Variants in MATN4 observed in about 807,000 individuals in gnomAD.
The protein encoded by MATN4 is matrilin 4, also known as matrilin-4.
In MATN4, 40 loss-of-function variants were observed where a neutral mutation model predicts 54.6. The observed-to-expected ratio is 0.73, with a 90% CI of 0.57 to 0.95. MATN4 has a LOEUF of 0.95. Among genes scored for constraint, MATN4 ranks in the 40% least tolerant of loss-of-function variants. The pLI is 0.00. For synonymous variants in MATN4, 351 were observed against 345.3 expected (o/e 1.02, Z -0.18); for missense variants, 810 against 819.1 (o/e 0.99, Z 0.13).
intron 3 of MATN4, chr20:45,303,591 G>A (rs1986381305): frequency 1.5e-6 from 1 of 648,146 alleles, no homozygotes; most frequent in East Asian, 2.8e-5. Flanking sequence ...TGGGGATGGG[G>A]TCAGAGGCAG....
chr20:45,304,409 C>G lies in MATN4; in HGVS notation c.462G>C (p.Val154=), dbSNP rs766195533. 1.1e-5 allele frequency: 17 copies of G among 1,507,648 alleles called. No individual in the cohort carries two copies. The South Asian group carries it at 2.2e-4, about 20-fold the overall frequency. The allele number at this position is 1,507,648 out of a possible 1,614,324, so 93.4% of individuals were successfully genotyped here. The change falls in exon 3 of 10, where the codon GTG becomes GTC. Residue 154 remains valine (V), a synonymous_variant. Transcript: ENST00000372756. Reference sequence around the variant, plus strand: ...CGCGCGCCTGTGCCGCCACCTCGGCCACGCGGTCCTGGGGCCGCCCGTCTG... The same window carrying G: ...CGCGCGCCTGTGCCGCCACCTCGGCGACGCGGTCCTGGGGCCGCCCGTCTG... ...IVTDGRPQDR[V]AEVAAQARAR... is the part of the protein sequence containing the mutation.
chr20:45,297,659 C>T (rs1055997268), intron 8 of MATN4, among the ~76,000 whole-genome samples: 5 of 152,142 alleles, frequency 3.3e-5, no homozygotes, highest in Non-Finnish European at 7.3e-5. Flanking sequence ...AATATGCTTA[C>T]AAATCACCTG....
chr20:45,307,629 T>G (rs1986846101), intron 1 of MATN4, among the ~76,000 whole-genome samples: 1 of 152,226 alleles, frequency 6.6e-6, no homozygotes, highest in African/African-American at 2.4e-5. Context: ...ATTCTTGGTC[T>G]GAGCCAACTT....
chr20:45,300,791 A>AGGCTCCTATTTCTGT, intron 6 of MATN4, 96 bp downstream of exon 6: 1 of 1,495,384 alleles, frequency 6.7e-7, no homozygotes, highest in African/African-American at 1.4e-5. Flanking sequence ...CATTCACACC[A>AGGCTCCTATTTCTGT]CAGCCTAGGG....
chr20:45,304,818 A>G, intron 2 of MATN4, 21 bp from the exon 3 acceptor site: 1 of 1,513,768 alleles, frequency 6.6e-7, no homozygotes, highest in Non-Finnish European at 9.0e-7. Context: ...ATCAGGGAGG[A>G]CTCTCCTAGG....
intron 3 of MATN4, chr20:45,303,307 A>C (rs1391631061): frequency 1.5e-6 from 1 of 670,148 alleles, no homozygotes; most frequent in African/African-American, 1.8e-5. Flanking sequence ...GCCCTTCCAG[A>C]CTCATTGGTC....
At chr20:45,306,741 C>T in intron 1 of MATN4, 3 of 441,042 alleles carry the variant, frequency 6.8e-6, no homozygotes, top group Non-Finnish European at 1.2e-5. Flanking sequence ...CCACATCTGC[C>T]CAGCAGGTGC....
At chr20:45,306,035 C>T (rs1450290887) in intron 1 of MATN4, among the ~76,000 whole-genome samples, 2 of 151,752 alleles carry the variant, frequency 1.3e-5, no homozygotes, top group African/African-American at 4.8e-5. Context: ...AAACTCCTGA[C>T]CTCAGGTGAT....
intron 1 of MATN4, chr20:45,306,873 G>C: frequency 8.0e-6 from 10 of 1,247,408 alleles, no homozygotes; most frequent in Non-Finnish European, 1.0e-5. Context: ...AGCAGCACTG[G>C]ACTCGTCCAG....
chr20:45,294,104 A>G (rs1375646885), intron 8 of MATN4, 89 bp from the exon 9 acceptor site: 4 of 1,021,028 alleles, frequency 3.9e-6, no homozygotes, highest in Non-Finnish European at 5.8e-6. Context: ...ATGGTTGAGT[A>G]TATGGGCTTT....
rs758735302 is a variant in MATN4, at chr20:45,305,805, C to CTTTTTTTTTTTTTTTTTTTTTTTTTTTT, written c.-34-190_-34-189insAAAAAAAAAAAAAAAAAAAAAAAAAAAA. 4.6e-4 allele frequency among the ~76,000 whole-genome samples: 30 copies of CTTTTTTTTTTTTTTTTTTTTTTTTTTTT among 64,684 alleles called. 13 individuals are homozygous for CTTTTTTTTTTTTTTTTTTTTTTTTTTTT. Among genetic ancestry groups the CTTTTTTTTTTTTTTTTTTTTTTTTTTTT allele is most frequent in the Middle Eastern group, 0.015 (1 of 66 alleles). 42.4% of individuals were successfully genotyped at this position (64,684 alleles called of 152,430 possible). Reference sequence around the variant, plus strand: ...GGATTGCTGGGAAACACAAGAGATTCTTTTTTTTTTTTTTTTTAGATAGAG... The same window carrying CTTTTTTTTTTTTTTTTTTTTTTTTTTTT: ...GGATTGCTGGGAAACACAAGAGATTCTTTTTTTTTTTTTTTTTTTTTTTTTTTTTTTTTTTTTTTTTTTTTAGATAGAG... On this transcript the variant is annotated intron_variant, in intron 1 of 9. Coordinates refer to ENST00000372756, the MANE Select transcript of MATN4 (RefSeq NM_001393530.1).
Position 45,302,089 on chromosome 20 carries a change from G to A in MATN4, c.644-646C>T, listed in dbSNP as rs185130438. Among the ~76,000 whole-genome samples, 13 of 152,198 alleles carry A rather than the reference G, an allele frequency of 8.5e-5. No homozygotes were observed. The East Asian group carries it at 1.7e-3, about 20-fold the overall frequency. On this transcript the variant is annotated intron_variant, in intron 3 of 9. Transcript: ENST00000372756. ...TGCATACACAAGTGTGTAAACCAAC[G>A]AAGAGGTTGATTAACATGCATGGAA...
intron 1 of MATN4, chr20:45,306,744 G>T: frequency 2.2e-6 from 1 of 445,168 alleles, no homozygotes. Context: ...CATCTGCCCA[G>T]CAGGTGCGCC....
In MATN4 at chr20:45,304,396, C is replaced by T. The variant is rs1168549032; in HGVS notation, c.475G>A (p.Ala159Thr). The T allele has an allele frequency of 6.6e-7, 1 of 1,503,952 alleles. No individual in the cohort carries two copies. Among genetic ancestry groups the T allele is most frequent in the Admixed American group, 2.3e-5 (1 of 44,108 alleles). The allele number at this position is 1,503,952 out of a possible 1,614,324, so 93.2% of individuals were successfully genotyped here. ...TCAATGCCGCGGGCGCGCGCCTGTG[C>T]CGCCACCTCGGCCACGCGGTCCTGG... Reference protein sequence around the residue: ...RPQDRVAEVAAQARARGIEIY... With the variant: ...RPQDRVAEVATQARARGIEIY... The change falls in exon 3 of 10, where the codon GCA becomes ACA. Residue 159 changes from alanine to threonine, a missense_variant. By Grantham distance (58) the Ala-to-Thr change is moderately conservative. Transcript: ENST00000372756.
intron 3 of MATN4, among the ~76,000 whole-genome samples, chr20:45,301,798 T>C (rs1279082574): frequency 1.3e-5 from 2 of 151,354 alleles, no homozygotes; most frequent in Non-Finnish European, 2.9e-5. Context: ...GAGAAGATAA[T>C]TACCCTGTAT....
chr20:45,306,489 G>T (rs1986686033), intron 1 of MATN4, among the ~76,000 whole-genome samples: 1 of 152,222 alleles, frequency 6.6e-6, no homozygotes, highest in Admixed American at 6.5e-5. Context: ...GCTTCTGTGT[G>T]GCTGTCTTTG....
chr20:45,302,388 T>C (rs1167981242), intron 3 of MATN4, among the ~76,000 whole-genome samples: 30 of 152,236 alleles, frequency 2.0e-4, no homozygotes. Flanking sequence ...GATAATAACA[T>C]GTGTAATGCT....
upstream of MATN4, chr20:45,308,414 G>A: frequency 3.3e-6 from 2 of 598,236 alleles, no homozygotes; most frequent in South Asian, 2.0e-5. Context: ...TCCTGAGGGG[G>A]GGCAAACCCA....
rs753532323 is a variant in MATN4 at position 45,304,810 on chromosome 20, C to T, written c.74-13G>A. The T allele has an allele frequency of 4.5e-6, 7 of 1,539,768 alleles. No individual in the cohort carries two copies. The highest frequency in any genetic ancestry group is 6.2e-6 in the Non-Finnish European group (7 of 1,133,492). On this transcript the variant is annotated splice_polypyrimidine_tract_variant and intron_variant, in intron 2 of 9. Coordinates refer to ENST00000372756, the MANE Select transcript of MATN4 (RefSeq NM_001393530.1). ...TGACACCTGGGACCTGCGGGGAGATCAGGGAGGACTCTCCTAGGTCAGCAA... is the reference window on the plus strand; with the variant it reads ...TGACACCTGGGACCTGCGGGGAGATTAGGGAGGACTCTCCTAGGTCAGCAA...
Sources: gnomAD v4.1 joint callset for allele counts (sites outside exome capture counted in the v4.1 genomes callset) on GRCh38, gnomAD v4.1.1 for gene constraint, MANE v1.5 for transcripts, NCBI Gene and HGNC (gene_info 2026-07-23, HGNC 2026-07-21) for gene names.